Variants in PTPRR observed in about 807,000 individuals in gnomAD.
PTPRR encodes protein tyrosine phosphatase receptor type R, also known as receptor-type tyrosine-protein phosphatase R.
A neutral mutation model predicts 77.2 loss-of-function variants in PTPRR; 38 were observed. That is an observed-to-expected ratio of 0.49 (90% CI 0.38 to 0.65). PTPRR has a LOEUF of 0.65. Among genes scored for constraint, PTPRR ranks in the 30% least tolerant of loss-of-function variants. PTPRR has a pLI of 0.00. For synonymous variants in PTPRR, 299 were observed against 283.1 expected, an observed-to-expected ratio of 1.06 and a Z score of -0.57; for missense variants, 744 against 799.2, an observed-to-expected ratio of 0.93 and a Z score of 0.83.
chr12:70,778,279 C>A (rs1431505996), intron 2 of PTPRR, among the ~76,000 whole-genome samples: 5 of 152,056 alleles, frequency 3.3e-5, no homozygotes, highest in Non-Finnish European at 5.9e-5. Context: ...GTGAAAAATA[C>A]TGTGGCCTGA....
In PTPRR at chr12:70,733,136, C is replaced by T. The variant is rs1889721405; in HGVS notation, c.1007+12682G>A. On this transcript the variant is annotated intron_variant, in intron 6 of 13. Transcript: ENST00000283228. ...ATCCATGATTTGGAAAAAAAGGTTT[C>T]CTTAAATAAACAAATGTATACACTA... Among the ~76,000 whole-genome samples, 2 of 151,644 alleles carry T rather than the reference C, an allele frequency of 1.3e-5. 1 individual carries two copies. Among genetic ancestry groups the T allele is most frequent in the South Asian group, 4.2e-4 (2 of 4,806 alleles).
chr12:70,769,819 T>C (rs1442668102), intron 2 of PTPRR, among the ~76,000 whole-genome samples: 4 of 151,862 alleles, frequency 2.6e-5, no homozygotes, highest in Non-Finnish European at 5.9e-5. Flanking sequence ...GAGATATAGA[T>C]CAATGGAACA....
At chr12:70,781,853 C>G (rs1025131071) in intron 2 of PTPRR, among the ~76,000 whole-genome samples, 5 of 152,260 alleles carry the variant, frequency 3.3e-5, no homozygotes, top group African/African-American at 1.2e-4. Context: ...ACTCTTCCTT[C>G]TTAAGCTCCC....
intron 2 of PTPRR, among the ~76,000 whole-genome samples, chr12:70,783,713 C>G (rs577219450): frequency 2.0e-5 from 3 of 152,082 alleles, no homozygotes; most frequent in Non-Finnish European, 2.9e-5. Flanking sequence ...TGCCCAGGAG[C>G]CTGTCTGCCT....
chr12:70,834,910 T>A (rs867998471), intron 2 of PTPRR, among the ~76,000 whole-genome samples: 1 of 152,126 alleles, frequency 6.6e-6, no homozygotes, highest in Non-Finnish European at 1.5e-5. Context: ...AAACAATATG[T>A]CTACGATTAG....
At chr12:70,870,178 T>C (rs977914081) in intron 2 of PTPRR, among the ~76,000 whole-genome samples, 8 of 152,164 alleles carry the variant, frequency 5.3e-5, no homozygotes, top group African/African-American at 1.9e-4. Context: ...TCATCTCCAG[T>C]TCTGATCAGA....
intron 2 of PTPRR, among the ~76,000 whole-genome samples, chr12:70,884,391 AAAG>A (rs1173820017): frequency 6.6e-6 from 1 of 152,202 alleles, no homozygotes; most frequent in African/African-American, 2.4e-5. Context: ...AGAAGGAAAG[AAAG>A]AAAAGGGGAC....
chr12:70,887,080 A>G (rs145374072), intron 2 of PTPRR, among the ~76,000 whole-genome samples: 55 of 152,302 alleles, frequency 3.6e-4, no homozygotes, highest in African/African-American at 1.2e-3. Flanking sequence ...TATGTTCCCA[A>G]TGTTTATTTT....
intron 2 of PTPRR, among the ~76,000 whole-genome samples, chr12:70,861,267 GTA>G (rs779241164): frequency 3.9e-5 from 6 of 152,114 alleles, no homozygotes; most frequent in African/African-American, 7.2e-5. Context: ...GAAAGACAGA[GTA>G]TCTCATAGCA....
At chr12:70,791,431 A>G (rs1183709391) in intron 2 of PTPRR, among the ~76,000 whole-genome samples, 1 of 152,086 alleles carries the variant, frequency 6.6e-6, no homozygotes, top group Non-Finnish European at 1.5e-5. Context: ...GCCTCCACTA[A>G]TCAGACTCTT....
chr12:70,704,544 C>T (rs1198989926), intron 6 of PTPRR, among the ~76,000 whole-genome samples: 2 of 151,950 alleles, frequency 1.3e-5, no homozygotes, highest in Non-Finnish European at 2.9e-5. Context: ...CTGCCTAAAC[C>T]TGGGAGATTA....
At chr12:70,795,754 ATGTT>A (rs1194045588) in intron 2 of PTPRR, among the ~76,000 whole-genome samples, 2 of 152,126 alleles carry the variant, frequency 1.3e-5, no homozygotes, top group African/African-American at 4.8e-5. Context: ...AATCTTAAAT[ATGTT>A]TGGTTACCAA....
intron 2 of PTPRR, among the ~76,000 whole-genome samples, chr12:70,821,008 T>C (rs551380241): frequency 6.6e-6 from 1 of 152,296 alleles, no homozygotes; most frequent in African/African-American, 2.4e-5. Flanking sequence ...ATAAAGTTTT[T>C]CTTACTGTTT....
At chr12:70,797,213 A>G (rs1318300060) in intron 2 of PTPRR, among the ~76,000 whole-genome samples, 1 of 152,162 alleles carries the variant, frequency 6.6e-6, no homozygotes, top group East Asian at 1.9e-4. Flanking sequence ...TTTCTAATAT[A>G]TGCCAAGGAA....
At chr12:70,856,322 T>C (rs191113160) in intron 2 of PTPRR, among the ~76,000 whole-genome samples, 116 of 152,198 alleles carry the variant, frequency 7.6e-4, no homozygotes, top group Non-Finnish European at 1.4e-3. Context: ...AATGGGAGAA[T>C]TGAGGAAAAT....
At chr12:70,815,440 C>A (rs1330549995) in intron 2 of PTPRR, among the ~76,000 whole-genome samples, 2 of 151,922 alleles carry the variant, frequency 1.3e-5, no homozygotes, top group African/African-American at 4.8e-5. Flanking sequence ...GTCTTATAAC[C>A]ACATATGCAA....
At chr12:70,798,153 A>G (rs1455799548) in intron 2 of PTPRR, among the ~76,000 whole-genome samples, 1 of 152,192 alleles carries the variant, frequency 6.6e-6, no homozygotes, top group African/African-American at 2.4e-5. Context: ...ACTACTAATC[A>G]TTCAATTATA....
chr12:70,833,672 T>A (rs983612507), intron 2 of PTPRR, among the ~76,000 whole-genome samples: 3 of 152,186 alleles, frequency 2.0e-5, no homozygotes, highest in African/African-American at 7.2e-5. Flanking sequence ...CAATTCTTCA[T>A]CTTGCCTGCA....
At chr12:70,812,050 T>C (rs142877785) in intron 2 of PTPRR, among the ~76,000 whole-genome samples, 75 of 152,306 alleles carry the variant, frequency 4.9e-4, no homozygotes, top group African/African-American at 1.7e-3. Flanking sequence ...TTGGTAGGGA[T>C]TGTCAAAGTG....
Sources: gnomAD v4.1 joint callset for allele counts (sites outside exome capture counted in the v4.1 genomes callset) on GRCh38, gnomAD v4.1.1 for gene constraint, MANE v1.5 for transcripts, NCBI Gene and HGNC (gene_info 2026-07-23, HGNC 2026-07-21) for gene names.